Variants in MELK observed in about 807,000 individuals in gnomAD.
MELK encodes pEg3 kinase.
A neutral mutation model predicts 85.0 loss-of-function variants in MELK; 81 were observed. The ratio of observed to expected loss-of-function variants is 0.95; its 90% CI spans 0.80 to 1.15. The LOEUF is 1.15. MELK is among the 50% of genes most tolerant of loss of function. The pLI, the probability that MELK is intolerant of heterozygous loss-of-function variation, is 0.00. For synonymous variants in MELK, 252 were observed against 265.0 expected (o/e 0.95, Z 0.48); for missense variants, 754 against 777.5 (o/e 0.97, Z 0.36).
intron 3 of MELK, among the ~76,000 whole-genome samples, chr9:36,585,646 ATAAT>A (rs1822816447): frequency 6.6e-6 from 1 of 152,048 alleles, no homozygotes; most frequent in Non-Finnish European, 1.5e-5. Context: ...AACATAAAAA[ATAAT>A]TTTTGGTTGG....
At chr9:36,623,147 G>A (rs1460697759) in intron 8 of MELK, among the ~76,000 whole-genome samples, 1 of 152,054 alleles carries the variant, frequency 6.6e-6, no homozygotes, top group Admixed American at 6.6e-5. Context: ...AATTGCTAGG[G>A]GTAATCTCCA....
At chr9:36,666,853 T>TGTG (rs1832383352) in intron 14 of MELK, among the ~76,000 whole-genome samples, 6 of 130,746 alleles carry the variant, frequency 4.6e-5, no homozygotes, top group African/African-American at 1.4e-4. Context: ...ATGTCTGTGT[T>TGTG]TGTGTGTGTG....
intron 8 of MELK, among the ~76,000 whole-genome samples, chr9:36,610,133 T>C (rs956832704): frequency 2.6e-5 from 4 of 152,068 alleles, no homozygotes; most frequent in Non-Finnish European, 5.9e-5. Context: ...GAATGGGCAG[T>C]TTTTTGTAGC....
intron 5 of MELK, among the ~76,000 whole-genome samples, chr9:36,596,691 G>GT (rs1425501239): frequency 9.4e-5 from 14 of 149,394 alleles, no homozygotes; most frequent in African/African-American, 3.5e-4. Context: ...GGCTCAAGCA[G>GT]TTCTTTTGCC....
chr9:36,667,707 T>C (rs1832516532), intron 14 of MELK, among the ~76,000 whole-genome samples: 2 of 152,210 alleles, frequency 1.3e-5, no homozygotes, highest in African/African-American at 4.8e-5. Context: ...GATTGTTAGC[T>C]TCCACTGGCA....
rs1196786287 is a variant in MELK at position 36,665,526 on chromosome 9, C to T, written c.1353C>T (p.Asn451=). 1.2e-6 allele frequency: 2 copies of T among 1,613,832 alleles called. No homozygotes were observed. The highest frequency in any genetic ancestry group is 2.2e-5 in the East Asian group (1 of 44,810). The change falls in exon 14 of 18, where the codon AAC becomes AAT. Residue 451 remains asparagine, a synonymous_variant. Transcript: ENST00000298048. ...FPEPKTPVNK[N]QHKREILTTP... is the part of the protein sequence containing the mutation. ...AGCCAAAGACTCCAGTTAATAAGAACCAGCATAAGAGAGAAATACTCACTA... is the reference window on the plus strand; with the variant it reads ...AGCCAAAGACTCCAGTTAATAAGAATCAGCATAAGAGAGAAATACTCACTA...
chr9:36,595,171 C>T (rs528251229), intron 5 of MELK, among the ~76,000 whole-genome samples: 23 of 147,688 alleles, frequency 1.6e-4, no homozygotes, highest in South Asian at 1.1e-3. Context: ...AGTCTCACTC[C>T]GTCGCCCAGG....
chr9:36,650,250 TATTAAAA>T (rs899996242), intron 11 of MELK, among the ~76,000 whole-genome samples: 8 of 77,068 alleles, frequency 1.0e-4, no homozygotes, highest in African/African-American at 2.5e-4. Context: ...GCCTCTATTT[TATTAAAA>T]ATTAAAAAAA....
intron 1 of MELK, among the ~76,000 whole-genome samples, chr9:36,576,645 C>G (rs1274222888): frequency 6.6e-6 from 1 of 152,160 alleles, no homozygotes; most frequent in African/African-American, 2.4e-5. Flanking sequence ...GATTCTCCTT[C>G]CTCAGCCTCC....
At chr9:36,575,216 T>A (rs1429326838) in intron 1 of MELK, among the ~76,000 whole-genome samples, 1 of 152,128 alleles carries the variant, frequency 6.6e-6, no homozygotes, top group Non-Finnish European at 1.5e-5. Flanking sequence ...GGCACTCAGG[T>A]GTCTGATTGG....
intron 8 of MELK, among the ~76,000 whole-genome samples, chr9:36,628,589 T>G (rs1484179210): frequency 6.6e-6 from 1 of 151,406 alleles, no homozygotes; most frequent in East Asian, 2.0e-4. Flanking sequence ...CCGGCTAATT[T>G]TTGTATTTTT....
chr9:36,605,791 TTTCTC>T (rs1564150508), intron 7 of MELK, among the ~76,000 whole-genome samples: 3 of 151,804 alleles, frequency 2.0e-5, no homozygotes, highest in East Asian at 3.9e-4. Flanking sequence ...TTTTAACTGT[TTTCTC>T]TTTCTTTTCT....
At chr9:36,581,297 C>T (rs1468050835) in intron 1 of MELK, among the ~76,000 whole-genome samples, 1 of 152,036 alleles carries the variant, frequency 6.6e-6, no homozygotes, top group Non-Finnish European at 1.5e-5. Flanking sequence ...GCTGACAACA[C>T]ACGCACCACT....
chr9:36,581,521 C>A (rs1822238319), intron 1 of MELK, 123 bp from the exon 2 acceptor site: 1 of 535,990 alleles, frequency 1.9e-6, no homozygotes, highest in South Asian at 2.6e-5. Flanking sequence ...TTTCATATGG[C>A]CAATAATCAG....
At chr9:36,636,991 C>T (rs1047368856) in intron 10 of MELK, among the ~76,000 whole-genome samples, 1 of 151,906 alleles carries the variant, frequency 6.6e-6, no homozygotes, top group Non-Finnish European at 1.5e-5. Context: ...CCTGCCACCA[C>T]CCGGCTAATT....
At chr9:36,637,593 G>T (rs1030621857) in intron 10 of MELK, among the ~76,000 whole-genome samples, 2 of 152,194 alleles carry the variant, frequency 1.3e-5, no homozygotes, top group Non-Finnish European at 2.9e-5. Context: ...TTTTGCAGTG[G>T]ACTAGGACAT....
chr9:36,632,534 C>CA (rs1482189048), intron 9 of MELK, among the ~76,000 whole-genome samples: 4 of 152,114 alleles, frequency 2.6e-5, no homozygotes, highest in Non-Finnish European at 5.9e-5. Flanking sequence ...CAGGCTCACT[C>CA]ACCTTGATTA....
intron 8 of MELK, among the ~76,000 whole-genome samples, chr9:36,621,617 C>CT (rs1827456666): frequency 2.0e-5 from 3 of 152,152 alleles, no homozygotes; most frequent in Admixed American, 2.0e-4. Context: ...GCCAGAGAGA[C>CT]TGAATACCTT....
At chr9:36,645,497 A>G (rs180745528) in intron 11 of MELK, among the ~76,000 whole-genome samples, 6 of 152,238 alleles carry the variant, frequency 3.9e-5, no homozygotes, top group Admixed American at 2.6e-4. Flanking sequence ...AGCATGACCA[A>G]CATCAAGAAT....
Sources: allele counts gnomAD v4.1 joint callset (sites outside exome capture counted in the v4.1 genomes callset), GRCh38; gene constraint gnomAD v4.1.1; transcripts MANE v1.5; gene names NCBI Gene and HGNC (gene_info 2026-07-23, HGNC 2026-07-21).